The following SDK1 variants were observed in gnomAD, a reference collection of about 807,000 sequenced individuals.
The protein encoded by SDK1 is protein sidekick-1.
Under a neutral mutation model 245.5 loss-of-function variants are expected in SDK1, and 157 were observed. That is an observed-to-expected ratio of 0.64 (90% CI 0.56 to 0.73). SDK1 has a LOEUF of 0.73. Ranked by LOEUF, SDK1 falls within the 30% of genes least tolerant of loss-of-function variation. The pLI, the probability that SDK1 is intolerant of heterozygous loss-of-function variation, is 0.00. For missense variants in SDK1, 3,583 were observed against 3,002.3 expected (o/e 1.19, Z -4.52); for synonymous variants, 1,647 against 1,278.5 (o/e 1.29, Z -6.15).
intron 1 of SDK1, among the ~76,000 whole-genome samples, chr7:3,392,539 C>T (rs1048988960): frequency 3.3e-5 from 5 of 152,006 alleles, no homozygotes; most frequent in Non-Finnish European, 7.4e-5. Flanking sequence ...GTTGTATGGC[C>T]ATCACCATTA....
chr7:3,466,325 C>G (rs1462458515), intron 1 of SDK1, among the ~76,000 whole-genome samples: 1 of 151,442 alleles, frequency 6.6e-6, no homozygotes, highest in Non-Finnish European at 1.5e-5. Flanking sequence ...ATCCTGAAGT[C>G]CTGGATGCTG....
At chr7:3,477,947 T>C (rs1583917952) in intron 1 of SDK1, among the ~76,000 whole-genome samples, 1 of 152,312 alleles carries the variant, frequency 6.6e-6, no homozygotes, top group Middle Eastern at 3.4e-3. Flanking sequence ...CTATGGTGTG[T>C]GTTAGAGATC....
Position 3,837,028 on chromosome 7 carries a change from AC to A in SDK1, c.847+15449del, listed in dbSNP as rs1583463323. 4.0e-5 allele frequency among the ~76,000 whole-genome samples: 6 copies of A among 151,668 alleles called. No homozygotes were observed. In the South Asian group the frequency reaches 1.3e-3, roughly 32 times the overall value. The stretch of plus-strand genomic sequence containing the variant: ...GGTGTCTCTTCCGCTTCTTATAAGG[AC>A]CCCTGTCCTCTTGTGTTAGAGACAC... On this transcript the variant is annotated intron_variant, in intron 5 of 44. Transcript: ENST00000404826.
chr7:4,252,244 TC>T (rs1391367205), intron 44 of SDK1, among the ~76,000 whole-genome samples: 1 of 148,468 alleles, frequency 6.7e-6, no homozygotes, highest in Non-Finnish European at 1.5e-5. Context: ...TGTGTGATGT[TC>T]CCCTTCCTGT....
chr7:3,755,799 G>C (rs974423147), intron 4 of SDK1, among the ~76,000 whole-genome samples: 2 of 152,114 alleles, frequency 1.3e-5, no homozygotes, highest in Admixed American at 6.5e-5. Context: ...CCTTCACGTG[G>C]TATAGTGCAT....
At chr7:3,655,577 C>G (rs983269234) in intron 4 of SDK1, among the ~76,000 whole-genome samples, 3 of 147,254 alleles carry the variant, frequency 2.0e-5, no homozygotes, top group African/African-American at 7.6e-5. Flanking sequence ...GTCTATCCCT[C>G]TTACATACAC....
At chr7:3,520,928 G>A (rs867464343) in intron 1 of SDK1, among the ~76,000 whole-genome samples, 2 of 152,148 alleles carry the variant, frequency 1.3e-5, no homozygotes, top group South Asian at 4.1e-4. Context: ...TCCCAGTTTT[G>A]TAGGTCATAA....
intron 35 of SDK1, among the ~76,000 whole-genome samples, chr7:4,188,146 G>C (rs1407206474): frequency 1.3e-5 from 2 of 152,188 alleles, no homozygotes; most frequent in African/African-American, 4.8e-5. Flanking sequence ...TACAATTCAA[G>C]GTGAGATTTG....
chr7:3,787,279 A>G (rs760620558), intron 4 of SDK1, among the ~76,000 whole-genome samples: 2 of 152,112 alleles, frequency 1.3e-5, no homozygotes, highest in African/African-American at 2.4e-5. Flanking sequence ...AAAGATAATT[A>G]TAATTGACAA....
chr7:3,938,659 A>AAAAAAAAAAAAAAAAAAAAAAAAAAAG (rs1554284813), intron 5 of SDK1, among the ~76,000 whole-genome samples: 19 of 151,054 alleles, frequency 1.3e-4, no homozygotes, highest in African/African-American at 4.7e-4. Flanking sequence ...AAAAAAAAAA[A>AAAAAAAAAAAAAAAAAAAAAAAAAAAG]AGAGATCCTC....
intron 1 of SDK1, among the ~76,000 whole-genome samples, chr7:3,413,254 A>T (rs913044110): frequency 6.6e-6 from 1 of 152,192 alleles, no homozygotes; most frequent in Non-Finnish European, 1.5e-5. Context: ...AGTAGGGTAG[A>T]ATAGCAAAGG....
chr7:3,817,121 A>G lies in SDK1; in HGVS notation c.714-4329A>G, dbSNP rs558946521. 3.3e-5 allele frequency among the ~76,000 whole-genome samples: 5 copies of G among 152,336 alleles called. No individual in the cohort carries two copies. In the South Asian group the frequency reaches 8.3e-4, roughly 25 times the overall value. On this transcript the variant is annotated intron_variant, in intron 4 of 44. Transcript: ENST00000404826. Reference sequence around the variant, plus strand: ...TGTGGTAAGTGTTAAAGAGCAAAATACTTATTGATAACCAAAGACAATTTA... The same window carrying G: ...TGTGGTAAGTGTTAAAGAGCAAAATGCTTATTGATAACCAAAGACAATTTA...
rs1469131244 is a variant in SDK1 at position 3,550,321 on chromosome 7, C to T, written c.299-68759C>T. The stretch of plus-strand genomic sequence containing the variant: ...CTAGCCTTTATATTGTAGTCATTTG[C>T]GTTTTCTTCCCTTTTCTAAATGTAG... On this transcript the variant is annotated intron_variant, in intron 1 of 44. Transcript: ENST00000404826. Among the ~76,000 whole-genome samples the T allele has an allele frequency of 5.3e-5, 8 of 152,092 alleles. No individual in the cohort carries two copies. In the South Asian group the frequency reaches 6.2e-4, roughly 12 times the overall value.
chr7:4,242,917 G>A (rs983905830), intron 43 of SDK1, among the ~76,000 whole-genome samples: 15 of 152,342 alleles, frequency 9.8e-5, no homozygotes, highest in East Asian at 5.8e-4. Context: ...AGCCACTGAC[G>A]CTCTGCCAGC....
chr7:3,568,188 G>T (rs1168666508), intron 1 of SDK1, among the ~76,000 whole-genome samples: 2 of 152,256 alleles, frequency 1.3e-5, no homozygotes, highest in South Asian at 4.1e-4. Flanking sequence ...ATTGATAATG[G>T]ATAAATGCAT....
chr7:3,494,400 G>A (rs1781957340), intron 1 of SDK1, among the ~76,000 whole-genome samples: 1 of 152,174 alleles, frequency 6.6e-6, no homozygotes, highest in Admixed American at 6.5e-5. Flanking sequence ...TAACTCTGCA[G>A]TGTAACAGCG....
intron 1 of SDK1, among the ~76,000 whole-genome samples, chr7:3,412,723 G>A (rs948603623): frequency 6.6e-6 from 1 of 152,268 alleles, no homozygotes; most frequent in South Asian, 2.1e-4. Context: ...GTGTATGAAA[G>A]ACTTACTTCC....
rs1788641561 is a variant in SDK1, at chr7:4,268,959, A to G, written c.*3575A>G. ...ACTTGTAGGAAGACAGAGAGGTGCT[A>G]TGGGTACAATTTTTAATAAAAACAT... On this transcript the variant is annotated 3_prime_UTR_variant, in exon 45 of 45. Coordinates refer to ENST00000404826, the MANE Select transcript of SDK1 (RefSeq NM_152744.4). 2 of 300,578 alleles carry G rather than the reference A, an allele frequency of 6.7e-6. No homozygotes were observed. The highest frequency in any genetic ancestry group is 2.8e-5 in the South Asian group (1 of 35,106). 18.6% of individuals were successfully genotyped at this position (300,578 alleles called of 1,614,324 possible).
chr7:3,533,021 T>C (rs182107913), intron 1 of SDK1, among the ~76,000 whole-genome samples: 1 of 152,308 alleles, frequency 6.6e-6, no homozygotes, highest in East Asian at 1.9e-4. Context: ...TAAGTACCAA[T>C]GAGTAGAAAA....
Sources: allele counts gnomAD v4.1 joint callset (sites outside exome capture counted in the v4.1 genomes callset), GRCh38; gene constraint gnomAD v4.1.1; transcripts MANE v1.5; gene names NCBI Gene and HGNC (gene_info 2026-07-23, HGNC 2026-07-21).